NOL7: variants seen among roughly 807,000 people sequenced by gnomAD.
The protein encoded by NOL7 is nucleolar protein 7.
In NOL7, 36 loss-of-function variants were observed where a neutral mutation model predicts 38.4. That is an observed-to-expected ratio of 0.94 (90% confidence interval 0.72 to 1.24). NOL7 has a LOEUF of 1.24. NOL7 is among the 50% of genes most tolerant of loss of function. The pLI is 0.00. For missense variants in NOL7, 350 were observed against 315.1 expected, an observed-to-expected ratio of 1.11 and a Z score of -0.84; for synonymous variants, 142 against 126.5, an observed-to-expected ratio of 1.12 and a Z score of -0.82.
intron 8 of NOL7, among the ~76,000 whole-genome samples, chr6:13,627,654 AT>A (rs1386640834): frequency 3.3e-5 from 5 of 150,882 alleles, no homozygotes; most frequent in Non-Finnish European, 5.9e-5. Flanking sequence ...AAAAAAAAAA[AT>A]CACGTTATTT....
At position 13,617,252 on chromosome 6, in the gene NOL7, C is replaced by CG. The variant is rs538715951; in HGVS notation, c.387-518_387-517insG. Among the ~76,000 whole-genome samples the CG allele has an allele frequency of 3.2e-3, 485 of 151,946 alleles. 7 individuals carry two copies. The highest frequency in any genetic ancestry group is 0.011 in the African/African-American group (465 of 41,298). On this transcript the variant is annotated intron_variant, in intron 3 of 7. Coordinates refer to ENST00000451315, the MANE Select transcript of NOL7 (RefSeq NM_016167.5). ...ACCTTTACCTTCTCATTTGCCCCCC[C>CG]CCACCTCCCATCACTTCCGCTTTTG...
chr6:13,620,908 AT>A lies in NOL7; in HGVS notation c.*83del. On this transcript the variant is annotated 3_prime_UTR_variant, in exon 8 of 8. Transcript: ENST00000451315. ...CATTCATAGATCATTTTAAAGGATC[AT>A]TATAAAAATCATAAACCTATTTGAG... The A allele has an allele frequency of 1.1e-6, 1 of 886,528 alleles. No homozygotes were observed. Among genetic ancestry groups the A allele is most frequent in the Non-Finnish European group, 1.7e-6 (1 of 586,180 alleles). 54.9% of individuals were successfully genotyped at this position (886,528 alleles called of 1,614,324 possible).
In NOL7 at chr6:13,620,837, A is replaced by T; in HGVS notation, c.*10A>T. 1 of 1,517,352 alleles carries T rather than the reference A, an allele frequency of 6.6e-7. No homozygotes were observed. Among genetic ancestry groups the T allele is most frequent in the Non-Finnish European group, 9.1e-7 (1 of 1,102,580 alleles). 94.0% of individuals were successfully genotyped at this position (1,517,352 alleles called of 1,614,324 possible). On this transcript the variant is annotated 3_prime_UTR_variant, in exon 8 of 8. Coordinates refer to ENST00000451315, the MANE Select transcript of NOL7 (RefSeq NM_016167.5). ...GAAAACTAAGAAGTAAATCAATGCT[A>T]AATGAAGAATCTGTACTTTGTATGT...
At chr6:13,622,575 A>T, downstream of NOL7, 1 of 1,366,066 alleles carries the variant, frequency 7.3e-7, no homozygotes, top group Non-Finnish European at 9.8e-7. Flanking sequence ...TACTGCAATG[A>T]CTTTAAAAAC....
rs537275706 is a variant in NOL7, at chr6:13,630,977, T to G, written n.574-1416T>G. 5.3e-5 allele frequency among the ~76,000 whole-genome samples: 8 copies of G among 152,220 alleles called. No homozygotes were observed. In the East Asian group the frequency reaches 1.2e-3, roughly 22 times the overall value. On this transcript the variant is annotated intron_variant and non_coding_transcript_variant, in intron 8 of 8. Coordinates refer to the NOL7 transcript ENST00000474485. Reference sequence around the variant, plus strand: ...GGCGCCCGCCACCAGGCCCAGCTACTTTTTTGTATTTTTAGTAGAGACGGG... The same window carrying G: ...GGCGCCCGCCACCAGGCCCAGCTACGTTTTTGTATTTTTAGTAGAGACGGG...
intron 8 of NOL7, among the ~76,000 whole-genome samples, chr6:13,630,141 C>T (rs569896184): frequency 6.6e-6 from 1 of 152,212 alleles, no homozygotes; most frequent in South Asian, 2.1e-4. Context: ...TAAGGTGGGT[C>T]AGTTGCTCAC....
At chr6:13,626,772 C>G (rs1297109309) in intron 8 of NOL7, among the ~76,000 whole-genome samples, 1 of 152,182 alleles carries the variant, frequency 6.6e-6, no homozygotes, top group African/African-American at 2.4e-5. Context: ...GCACCATCTC[C>G]TAGGTTCAGC....
rs1177492105 is a variant in NOL7 at position 13,616,410 on chromosome 6, G to A, written c.328-53G>A. ...AGCGGTAACTTCAGAAGCAACTCCG[G>A]ACATACTATGTACATGACTTTCTAT... On this transcript the variant is annotated intron_variant, in intron 2 of 7. Transcript: ENST00000451315. The A allele has an allele frequency of 4.6e-6, 6 of 1,311,962 alleles. No homozygotes were observed. The African/African-American group carries it at 7.4e-5, about 16-fold the overall frequency. 81.3% of individuals were successfully genotyped at this position (1,311,962 alleles called of 1,614,324 possible). A position where few individuals can be genotyped will look rare whatever the true frequency, so the allele number is the denominator to read the frequency against.
downstream of NOL7, chr6:13,625,628 T>C (rs769131794): frequency 1.3e-6 from 2 of 1,500,032 alleles, no homozygotes; most frequent in East Asian, 2.3e-5. Context: ...CTAACTGAAA[T>C]TGTGCCTTAT....
chr6:13,618,549 GA>G (rs1562290702), intron 5 of NOL7, among the ~76,000 whole-genome samples: 1 of 152,156 alleles, frequency 6.6e-6, no homozygotes, highest in Non-Finnish European at 1.5e-5. Flanking sequence ...GCCCGGCCGG[GA>G]AAATATTTTA....
downstream of NOL7, among the ~76,000 whole-genome samples, chr6:13,625,009 G>C (rs1350319551): frequency 6.6e-6 from 1 of 150,906 alleles, no homozygotes; most frequent in Non-Finnish European, 1.5e-5. Flanking sequence ...CAGGTAACAG[G>C]GGAGGACCAG....
At chr6:13,617,678 T>C in intron 3 of NOL7, 92 bp from the exon 4 acceptor site, 1 of 1,172,432 alleles carries the variant, frequency 8.5e-7, no homozygotes, top group East Asian at 2.4e-5. Flanking sequence ...TGAAAGGGGG[T>C]GTCTTACTTG....
intron 5 of NOL7, among the ~76,000 whole-genome samples, chr6:13,618,490 A>G (rs1025966076): frequency 6.8e-6 from 1 of 147,712 alleles, no homozygotes; most frequent in South Asian, 2.2e-4. Context: ...CTCATGATCC[A>G]CCCGCCTCGG....
intron 8 of NOL7, among the ~76,000 whole-genome samples, chr6:13,629,948 G>A (rs1764733720): frequency 6.9e-6 from 1 of 144,388 alleles, no homozygotes; most frequent in Non-Finnish European, 1.5e-5. Context: ...GTGTGTATTT[G>A]CATGAACTTC....
intron 5 of NOL7, 49 bp downstream of exon 5, chr6:13,618,188 A>T (rs1389757989): frequency 1.4e-6 from 1 of 717,374 alleles, no homozygotes; most frequent in Non-Finnish European, 2.3e-6. Flanking sequence ...CCTTTAAGAG[A>T]GTTAAAGTAT....
At chr6:13,622,605 T>C, downstream of NOL7, 2 of 1,126,896 alleles carry the variant, frequency 1.8e-6, no homozygotes, top group Non-Finnish European at 2.4e-6. Context: ...CATACCACTC[T>C]GAAATATCAG....
intron 3 of NOL7, among the ~76,000 whole-genome samples, chr6:13,617,531 A>C (rs1339428262): frequency 6.6e-6 from 1 of 152,224 alleles, no homozygotes; most frequent in Non-Finnish European, 1.5e-5. Context: ...TGCTGCTTTG[A>C]AAGCCTGCTA....
downstream of NOL7, among the ~76,000 whole-genome samples, chr6:13,626,340 A>G (rs1376580091): frequency 6.6e-6 from 1 of 152,116 alleles, no homozygotes; most frequent in Non-Finnish European, 1.5e-5. Context: ...TCAAACAACT[A>G]CTTTATATTT....
At position 13,620,767 on chromosome 6, in the gene NOL7, A is replaced by C; in HGVS notation, c.714A>C (p.Lys238Asn). The C allele has an allele frequency of 6.3e-7, 1 of 1,597,418 alleles. No homozygotes were observed. Among genetic ancestry groups the C allele is most frequent in the Non-Finnish European group, 8.5e-7 (1 of 1,173,418 alleles). ...FLNNAWGIQK[K>N]QNAKRFKRRW... is the part of the protein sequence containing the mutation. ...TTTATATTCTAGGAATCCAAAAAAAACAAAATGCCAAGAGGTTTAAAAGAC... is the reference window on the plus strand; with the variant it reads ...TTTATATTCTAGGAATCCAAAAAAACCAAAATGCCAAGAGGTTTAAAAGAC... The change falls in exon 8 of 8, where the codon AAA (lysine) becomes AAC (asparagine). Residue 238 changes from lysine to asparagine, a missense_variant. Physicochemically the swap from Lys to Asn is moderately conservative, Grantham distance 94. Transcript: ENST00000451315.
Sources: allele counts gnomAD v4.1 joint callset (sites outside exome capture counted in the v4.1 genomes callset), GRCh38; gene constraint gnomAD v4.1.1; transcripts MANE v1.5; gene names NCBI Gene and HGNC (gene_info 2026-07-23, HGNC 2026-07-21).